The following GOPC variants were observed in gnomAD, a reference collection of about 807,000 sequenced individuals.
GOPC encodes golgi associated PDZ and coiled-coil motif containing, also known as Golgi-associated PDZ and coiled-coil motif-containing protein.
A neutral mutation model predicts 51.2 loss-of-function variants in GOPC; 32 were observed. That is an observed-to-expected ratio of 0.63 (90% CI 0.47 to 0.84). The LOEUF is 0.84. GOPC is among the 40% of genes least tolerant of loss of function. GOPC has a pLI of 0.00. For missense variants in GOPC, 441 were observed against 555.5 expected, an observed-to-expected ratio of 0.79 and a Z score of 2.07; for synonymous variants, 190 against 205.1, an observed-to-expected ratio of 0.93 and a Z score of 0.63.
rs1173645075 is a variant in GOPC at position 117,562,881 on chromosome 6, A to G, written c.*373T>C. The G allele has an allele frequency of 8.7e-6, 2 of 230,208 alleles. No homozygotes were observed. Among genetic ancestry groups the G allele is most frequent in the Non-Finnish European group, 1.7e-5 (2 of 116,402 alleles). 14.3% of individuals were successfully genotyped at this position (230,208 alleles called of 1,614,324 possible). ...AAATATGAATTCACTTACTCTCTGT[A>G]TTTTAAAGGGTACTCCTTATAAAAT... On this transcript the variant is annotated 3_prime_UTR_variant, in exon 9 of 9. Transcript: ENST00000368498.
rs571257606 is a variant in GOPC, at chr6:117,561,302, C to A, written c.*1952G>T. 7.4e-4 allele frequency: 165 copies of A among 224,178 alleles called. 1 individual carries two copies. Among genetic ancestry groups the A allele is most frequent in the African/African-American group, 3.3e-3 (149 of 44,968 alleles). The allele number at this position is 224,178 out of a possible 1,614,324, so 13.9% of individuals were successfully genotyped here. On this transcript the variant is annotated 3_prime_UTR_variant, in exon 9 of 9. Coordinates refer to ENST00000368498, the MANE Select transcript of GOPC (RefSeq NM_020399.4). ...CTCTTCATACACTTATTCGGTAGTT[C>A]TTGAAAATCAAAGGGTTATAGCTTA...
intron 7 of GOPC, among the ~76,000 whole-genome samples, chr6:117,567,568 T>C (rs1223568479): frequency 4.6e-5 from 7 of 152,156 alleles, no homozygotes; most frequent in Non-Finnish European, 1.0e-4. Flanking sequence ...TCTTATTCAA[T>C]AGGTCTTGAG....
intron 8 of GOPC, among the ~76,000 whole-genome samples, chr6:117,566,298 TCA>T (rs1779695351): frequency 6.6e-6 from 1 of 152,130 alleles, no homozygotes; most frequent in South Asian, 2.1e-4. Context: ...TCAGAGACCC[TCA>T]GAGATCCACA....
rs1779787685 is a variant in GOPC at position 117,570,429 on chromosome 6, T to A, written c.912+431A>T. On this transcript the variant is annotated intron_variant, in intron 6 of 8. Coordinates refer to ENST00000368498, the MANE Select transcript of GOPC (RefSeq NM_020399.4). Reference sequence around the variant, plus strand: ...CAAAATGACTCCTAAAGGCATCGAATTTAAAAAAAAGAATATATAACATTT... The same window carrying A: ...CAAAATGACTCCTAAAGGCATCGAAATTAAAAAAAAGAATATATAACATTT... Among the ~76,000 whole-genome samples, 4 of 151,808 alleles carry A rather than the reference T, an allele frequency of 2.6e-5. No individual in the cohort carries two copies. The South Asian group carries it at 8.3e-4, about 32-fold the overall frequency.
At chr6:117,595,771 A>G (rs1370045170) in intron 1 of GOPC, among the ~76,000 whole-genome samples, 2 of 152,144 alleles carry the variant, frequency 1.3e-5, no homozygotes, top group Non-Finnish European at 2.9e-5. Context: ...CTGTATATAT[A>G]CACACCACAT....
At chr6:117,585,960 C>T (rs1181144936) in intron 1 of GOPC, among the ~76,000 whole-genome samples, 1 of 152,214 alleles carries the variant, frequency 6.6e-6, no homozygotes, top group Non-Finnish European at 1.5e-5. Flanking sequence ...TGAACTATAG[C>T]ACAAAAAGCT....
intron 1 of GOPC, among the ~76,000 whole-genome samples, chr6:117,601,558 T>A (rs1490285470): frequency 1.3e-5 from 2 of 152,240 alleles, no homozygotes; most frequent in African/African-American, 4.8e-5. Flanking sequence ...TGTCTCTGTA[T>A]GCAATCATAG....
chr6:117,593,363 C>T (rs765741079), intron 1 of GOPC, among the ~76,000 whole-genome samples: 1 of 152,164 alleles, frequency 6.6e-6, no homozygotes, highest in Non-Finnish European at 1.5e-5. Context: ...AACTACCCCA[C>T]TCTTTTTCTA....
intron 4 of GOPC, among the ~76,000 whole-genome samples, chr6:117,574,609 A>AGTTGTTAG (rs1267201570): frequency 6.6e-6 from 1 of 152,182 alleles, no homozygotes; most frequent in African/African-American, 2.4e-5. Context: ...TGCTCTACAG[A>AGTTGTTAG]GTTGTTAGCA....
chr6:117,563,534 C>T (rs1428866560), intron 8 of GOPC, 150 bp from the exon 9 acceptor site: 11 of 666,856 alleles, frequency 1.6e-5, no homozygotes, highest in Non-Finnish European at 2.1e-5. Context: ...CCAGCCTGGA[C>T]AATGTGGTGA....
chr6:117,599,918 G>C (rs1167216459), intron 1 of GOPC, among the ~76,000 whole-genome samples: 1 of 151,952 alleles, frequency 6.6e-6, no homozygotes, highest in African/African-American at 2.4e-5. Context: ...GTTTCCTTAG[G>C]TCATTTTAAA....
intron 4 of GOPC, among the ~76,000 whole-genome samples, chr6:117,574,946 G>T (rs1334933807): frequency 6.6e-6 from 1 of 152,118 alleles, no homozygotes; most frequent in African/African-American, 2.4e-5. Context: ...GGCCGTGGTG[G>T]CAGGCACCTG....
In GOPC at chr6:117,575,263, G is replaced by A; in HGVS notation, c.564C>T (p.Ala188=). ...GGAGAACAGCTATATGTCTACGAAGGGCTTCATTCTCTTTTCTCAACAATT... is the reference window on the plus strand; with the variant it reads ...GGAGAACAGCTATATGTCTACGAAGAGCTTCATTCTCTTTTCTCAACAATT... ...EVKLLRKENE[A]LRRHIAVLQA... The change falls in exon 4 of 9, where the codon GCC becomes GCT. Residue 188 remains alanine (A), a synonymous_variant. Coordinates refer to ENST00000368498, the MANE Select transcript of GOPC (RefSeq NM_020399.4). The A allele has an allele frequency of 6.2e-7, 1 of 1,613,214 alleles. No individual in the cohort carries two copies. Among genetic ancestry groups the A allele is most frequent in the African/African-American group, 1.3e-5 (1 of 74,902 alleles).
At chr6:117,597,808 A>G (rs2114631117) in intron 1 of GOPC, among the ~76,000 whole-genome samples, 1 of 152,318 alleles carries the variant, frequency 6.6e-6, no homozygotes, top group Middle Eastern at 3.4e-3. Context: ...AGTATCTTGA[A>G]CAATATGTGC....
At chr6:117,577,558 C>T in intron 2 of GOPC, 87 bp from the exon 3 acceptor site, 2 of 1,043,990 alleles carry the variant, frequency 1.9e-6, no homozygotes, top group Middle Eastern at 2.7e-4. Context: ...AAGGAAAAAT[C>T]CCACATGTTG....
At position 117,602,448 on chromosome 6, in the gene GOPC, A is replaced by G; in HGVS notation, c.-160T>C. 3 of 669,366 alleles carry G rather than the reference A, an allele frequency of 4.5e-6. No homozygotes were observed. Among genetic ancestry groups the G allele is most frequent in the Non-Finnish European group, 7.5e-6 (3 of 401,826 alleles). 41.5% of individuals were successfully genotyped at this position (669,366 alleles called of 1,614,324 possible). A position where few individuals can be genotyped will look rare whatever the true frequency, so the allele number is the denominator to read the frequency against. The stretch of plus-strand genomic sequence containing the variant: ...GCCAGCAGCACAGTCACAGAACCGC[A>G]GGAGTAACGAGGCTGAAGCTGAGGC... On this transcript the variant is annotated 5_prime_UTR_variant, in exon 1 of 9. Coordinates refer to ENST00000368498, the MANE Select transcript of GOPC (RefSeq NM_020399.4).
chr6:117,572,726 G>T (rs941031256), intron 5 of GOPC, among the ~76,000 whole-genome samples: 1 of 152,134 alleles, frequency 6.6e-6, no homozygotes, highest in Non-Finnish European at 1.5e-5. Flanking sequence ...CAGTGCCCTA[G>T]AAAACAATGG....
intron 1 of GOPC, among the ~76,000 whole-genome samples, chr6:117,592,879 A>G (rs1345435186): frequency 6.6e-6 from 1 of 152,128 alleles, no homozygotes; most frequent in East Asian, 1.9e-4. Flanking sequence ...AAATCCTGTC[A>G]ATTCTCCTTC....
Position 117,602,045 on chromosome 6 carries a change from GGCAAAGCTGT to G in GOPC, c.234_243del (p.Gln79ThrfsTer20). 6.2e-7 allele frequency: 1 copy of G among 1,614,166 alleles called. No individual in the cohort carries two copies. Among genetic ancestry groups the G allele is most frequent in the African/African-American group, 1.3e-5 (1 of 75,044 alleles). ...ATTTGAGACACAGACTGGGCTTTGT[GGCAAAGCTGT>G]GCAAAGCAGGAGCTCAGGCTGGTCA... On this transcript the variant is annotated frameshift_variant, in exon 1 of 9. Coordinates refer to ENST00000368498, the MANE Select transcript of GOPC (RefSeq NM_020399.4). LOFTEE classifies it high-confidence loss of function.
Sources: allele counts gnomAD v4.1 joint callset (sites outside exome capture counted in the v4.1 genomes callset), GRCh38; gene constraint gnomAD v4.1.1; transcripts MANE v1.5; gene names NCBI Gene and HGNC (gene_info 2026-07-23, HGNC 2026-07-21).